The following ZNF821 variants were observed in gnomAD, a reference collection of about 807,000 sequenced individuals.
The protein encoded by ZNF821 is zinc finger protein 821.
ZNF821 carries 16 observed loss-of-function variants against 44.3 expected under a neutral mutation model. The ratio of observed to expected loss-of-function variants is 0.36; its 90% CI spans 0.24 to 0.55. ZNF821 has a LOEUF of 0.55. Ranked by LOEUF, ZNF821 falls within the 20% of genes least tolerant of loss-of-function variation. The probability of loss-of-function intolerance (pLI) is 0.86; values close to 1 mark genes in which losing one functional copy is unlikely to be tolerated. For synonymous variants in ZNF821, 204 were observed against 197.6 expected, an observed-to-expected ratio of 1.03 and a Z score of -0.27; for missense variants, 436 against 547.6, an observed-to-expected ratio of 0.80 and a Z score of 2.03.
At chr16:71,878,923 C>CA (rs1168652069) in intron 3 of ZNF821, among the ~76,000 whole-genome samples, 881 of 61,386 alleles carry the variant, frequency 0.014, 4 homozygotes, top group Middle Eastern at 0.1. Context: ...GACTCTGTCT[C>CA]AAAAAAAAAA....
intron 7 of ZNF821, among the ~76,000 whole-genome samples, chr16:71,861,210 AATGCACC>A (rs2033845328): frequency 6.6e-6 from 1 of 152,212 alleles, no homozygotes; most frequent in Non-Finnish European, 1.5e-5. Flanking sequence ...CTGCCACAGC[AATGCACC>A]AGAAATCAGA....
At position 71,860,104 on chromosome 16, in the gene ZNF821, GGAAGAAGTT is replaced by G. The variant is rs2033659810; in HGVS notation, c.1144_1152del (p.Asn382_Phe384del). 1 of 1,614,120 alleles carries G rather than the reference GGAAGAAGTT, an allele frequency of 6.2e-7. No homozygotes were observed. Among genetic ancestry groups the G allele is most frequent in the South Asian group, 1.1e-5 (1 of 91,086 alleles). On this transcript the variant is annotated inframe_deletion, in exon 8 of 8. Coordinates refer to ENST00000425432, the MANE Select transcript of ZNF821 (RefSeq NM_001201552.2). This position sits in a 1 kb window ranked among gnomAD's most constrained non-coding sequence, Gnocchi z 7.3. ...AACTCCACCCCACTTACAGGCAGCT[GGAAGAAGTT>G]CATTTCAGCTGCTAAGGCTGCCATG...
At chr16:71,883,725 G>T (rs1319954215) in intron 1 of ZNF821, 183 bp downstream of exon 1, 2 of 152,672 alleles carry the variant, frequency 1.3e-5, no homozygotes, top group African/African-American at 4.8e-5. Context: ...AGCAGGAGGA[G>T]CGGCCGGGGA....
chr16:71,893,354 G>C (rs1307132438), intron 1 of ZNF821, among the ~76,000 whole-genome samples: 1 of 150,848 alleles, frequency 6.6e-6, no homozygotes, highest in East Asian at 2.0e-4. Context: ...GTAGAGATGG[G>C]GTTTCACCAT....
chr16:71,892,784 T>G (rs2036896479), intron 1 of ZNF821, among the ~76,000 whole-genome samples: 1 of 144,698 alleles, frequency 6.9e-6, no homozygotes, highest in African/African-American at 2.6e-5. Flanking sequence ...CAGGCTGGAG[T>G]GCAATGGCAT....
chr16:71,861,165 A>T (rs1489390727), intron 7 of ZNF821, among the ~76,000 whole-genome samples: 1 of 152,160 alleles, frequency 6.6e-6, no homozygotes, highest in Non-Finnish European at 1.5e-5. Context: ...GGTGTCTACC[A>T]ACTCTAAAAG....
chr16:71,872,471 G>A (rs1462338610), intron 3 of ZNF821, among the ~76,000 whole-genome samples: 8 of 151,980 alleles, frequency 5.3e-5, no homozygotes, highest in Non-Finnish European at 7.4e-5. Context: ...AACATTAGCC[G>A]GCGTGGTGGC....
In ZNF821 at chr16:71,860,480, A is replaced by G. The variant is rs28421940; in HGVS notation, c.777T>C (p.Ala259=). 9.0e-3 allele frequency: 14,572 copies of G among 1,614,128 alleles called. 1,118 individuals are homozygous for G. In the African/African-American group the frequency reaches 0.17, roughly 18 times the overall value. ...CCAAAGGCTCATTCTGTCGACGTAG[A>G]GCCCACTTGCGTACACTGGGAGTCT... ...EAQTPSVRKW[A]LRRQNEPLEV... The change falls in exon 8 of 8, where the codon GCT becomes GCC. Residue 259 remains alanine, a synonymous_variant. Transcript: ENST00000425432. This position sits in a 1 kb window ranked among gnomAD's most constrained non-coding sequence, Gnocchi z 7.3.
intron 3 of ZNF821, among the ~76,000 whole-genome samples, chr16:71,877,950 AT>A (rs546752904): frequency 2.1e-3 from 311 of 147,418 alleles, no homozygotes; most frequent in Admixed American, 7.7e-3. Flanking sequence ...ATATAAAAAA[AT>A]AAAATATATA....
chr16:71,864,340 C>A, intron 5 of ZNF821, 98 bp from the exon 6 acceptor site: 2 of 950,428 alleles, frequency 2.1e-6, no homozygotes, highest in East Asian at 2.5e-5. Flanking sequence ...GGAACCCAGA[C>A]TGATGGCGCA....
At chr16:71,891,390 A>G (rs1036462000) in intron 1 of ZNF821, 2 of 152,216 alleles carry the variant, frequency 1.3e-5, no homozygotes, top group African/African-American at 4.8e-5. Flanking sequence ...CCAGGGACAG[A>G]GATAATATTG....
intron 1 of ZNF821, 114 bp from the exon 2 acceptor site, chr16:71,883,387 T>C (rs2036628300): frequency 2.8e-6 from 1 of 357,918 alleles, no homozygotes; most frequent in Non-Finnish European, 5.5e-6. Flanking sequence ...CCTCTGCTTC[T>C]TCAAGCATGA....
At chr16:71,894,253 C>A (rs899754628) in intron 1 of ZNF821, 3 of 152,196 alleles carry the variant, frequency 2.0e-5, no homozygotes, top group Non-Finnish European at 4.4e-5. Flanking sequence ...TCTGGAGGCC[C>A]CTTTTTCTTT....
rs2142383077 is a variant in ZNF821 at position 71,867,985 on chromosome 16, T to C, written c.93A>G (p.Lys31=). The C allele has an allele frequency of 6.5e-7, 1 of 1,535,984 alleles. No homozygotes were observed. Among genetic ancestry groups the C allele is most frequent in the Non-Finnish European group, 8.7e-7 (1 of 1,146,854 alleles). The change falls in exon 4 of 8, where the codon AAA becomes AAG. Residue 31 remains lysine (K), a synonymous_variant. Coordinates refer to ENST00000425432, the MANE Select transcript of ZNF821 (RefSeq NM_001201552.2). ...LEEQARQAMM[K]TDFPGDLGSQ... is the part of the protein sequence containing the mutation. ...TGCCAAGGTCTCCAGGAAAATCAGT[T>C]TTCATCATCGCCTGGCGGGCTTGCT...
intron 7 of ZNF821, 111 bp downstream of exon 7, chr16:71,861,665 G>A: frequency 1.6e-6 from 2 of 1,271,806 alleles, no homozygotes; most frequent in East Asian, 2.4e-5. Context: ...CAAGGAGCAT[G>A]CATCAGCTGC....
chr16:71,887,778 A>T (rs2036867029), upstream of ZNF821, among the ~76,000 whole-genome samples: 1 of 151,652 alleles, frequency 6.6e-6, no homozygotes, highest in East Asian at 1.9e-4. Flanking sequence ...AGGATGTTGA[A>T]TATTTTTTCA....
intron 3 of ZNF821, among the ~76,000 whole-genome samples, chr16:71,877,834 C>T (rs531152918): frequency 4.6e-5 from 7 of 151,246 alleles, no homozygotes; most frequent in East Asian, 2.0e-4. Flanking sequence ...GTGGGAGGAT[C>T]GCTTGAGCCC....
rs1567415342 is a variant in ZNF821, at chr16:71,867,971, CCAGGAAAAT to C, written c.98_106del (p.Asp33_Pro35del). ...AGCTTGTCGCTGACTGCCAAGGTCTCCAGGAAAATCAGTTTTCATCATCGCCTGGCGGGC... is the reference window on the plus strand; with the variant it reads ...AGCTTGTCGCTGACTGCCAAGGTCTCCAGTTTTCATCATCGCCTGGCGGGC... On this transcript the variant is annotated inframe_deletion, in exon 4 of 8. Coordinates refer to ENST00000425432, the MANE Select transcript of ZNF821 (RefSeq NM_001201552.2). 23 of 1,536,020 alleles carry C rather than the reference CCAGGAAAAT, an allele frequency of 1.5e-5. No homozygotes were observed. Among genetic ancestry groups the C allele is most frequent in the Non-Finnish European group, 2.0e-5 (23 of 1,146,858 alleles).
At chr16:71,871,504 GCTAAAAGCATGT>G (rs1202149854) in intron 3 of ZNF821, among the ~76,000 whole-genome samples, 3 of 152,170 alleles carry the variant, frequency 2.0e-5, no homozygotes, top group Non-Finnish European at 2.9e-5. Context: ...AGTGAGACTT[GCTAAAAGCATGT>G]CATGTTAACT....
Sources: allele counts gnomAD v4.1 joint callset (sites outside exome capture counted in the v4.1 genomes callset), GRCh38; gene constraint gnomAD v4.1.1; non-coding constraint Gnocchi (gnomAD v3.1); transcripts MANE v1.5; gene names NCBI Gene and HGNC (gene_info 2026-07-23, HGNC 2026-07-21).